HPSE2: variants seen among roughly 807,000 people sequenced by gnomAD.
HPSE2 encodes the protein inactive heparanase-2.
HPSE2 carries 38 observed loss-of-function variants against 60.5 expected under a neutral mutation model. The observed-to-expected ratio is 0.63, with a 90% CI of 0.48 to 0.82. HPSE2 has a LOEUF of 0.82. HPSE2 is among the 40% of genes least tolerant of loss of function. HPSE2 has a pLI of 0.00. For synonymous variants in HPSE2, 295 were observed against 293.2 expected, an observed-to-expected ratio of 1.01 and a Z score of -0.06; for missense variants, 713 against 740.4, an observed-to-expected ratio of 0.96 and a Z score of 0.43.
chr10:98,934,164 G>A (rs1319439163), intron 3 of HPSE2, among the ~76,000 whole-genome samples: 1 of 144,102 alleles, frequency 6.9e-6, no homozygotes, highest in Non-Finnish European at 1.5e-5. Context: ...GAGTCTATGT[G>A]CGTCTTTGCA....
intron 3 of HPSE2, among the ~76,000 whole-genome samples, chr10:99,043,546 C>G (rs1957790394): frequency 6.6e-6 from 1 of 152,018 alleles, no homozygotes; most frequent in Non-Finnish European, 1.5e-5. Flanking sequence ...AAATGACAAA[C>G]ATATAATTCA....
chr10:98,951,210 A>T (rs1276485632), intron 3 of HPSE2, among the ~76,000 whole-genome samples: 1 of 152,180 alleles, frequency 6.6e-6, no homozygotes, highest in African/African-American at 2.4e-5. Context: ...GGATGACAAC[A>T]GTAAGACTAA....
intron 3 of HPSE2, among the ~76,000 whole-genome samples, chr10:98,915,665 C>T (rs988356783): frequency 2.0e-5 from 3 of 152,166 alleles, no homozygotes; most frequent in Non-Finnish European, 4.4e-5. Context: ...CTTTTCTGTG[C>T]TTGCTTTTCC....
At chr10:99,168,309 C>T (rs1438131913) in intron 2 of HPSE2, among the ~76,000 whole-genome samples, 4 of 152,080 alleles carry the variant, frequency 2.6e-5, no homozygotes, top group African/African-American at 9.7e-5. Context: ...TTCATAGGTA[C>T]TTTGAGTTCT....
intron 3 of HPSE2, among the ~76,000 whole-genome samples, chr10:98,916,296 G>A (rs1179766815): frequency 6.6e-6 from 1 of 152,214 alleles, no homozygotes; most frequent in East Asian, 1.9e-4. Flanking sequence ...TATCTGCACA[G>A]GGCATGAAAT....
intron 5 of HPSE2, among the ~76,000 whole-genome samples, chr10:98,696,436 C>G (rs1289488284): frequency 6.6e-6 from 1 of 151,388 alleles, no homozygotes; most frequent in South Asian, 2.1e-4. Flanking sequence ...GGTGCTGCAG[C>G]CCACCTGAGA....
intron 6 of HPSE2, among the ~76,000 whole-genome samples, chr10:98,646,490 G>A (rs948354080): frequency 6.6e-6 from 1 of 152,090 alleles, no homozygotes; most frequent in Non-Finnish European, 1.5e-5. Flanking sequence ...AAGAAAGGCT[G>A]TGTAGAAATA....
intron 9 of HPSE2, among the ~76,000 whole-genome samples, chr10:98,543,085 C>T (rs1412314936): frequency 8.5e-5 from 13 of 152,084 alleles, no homozygotes; most frequent in East Asian, 1.9e-4. Flanking sequence ...AGAGAAAGGT[C>T]GGGTTACCCT....
At chr10:99,169,172 G>A (rs1424631487) in intron 2 of HPSE2, among the ~76,000 whole-genome samples, 6 of 135,074 alleles carry the variant, frequency 4.4e-5, no homozygotes, top group African/African-American at 1.1e-4. Flanking sequence ...CAGCCTAGGC[G>A]ACAGAGCAAG....
In HPSE2 at chr10:98,940,139, C is replaced by T. The variant is rs1416583855; in HGVS notation, c.611-196083G>A. On this transcript the variant is annotated intron_variant, in intron 3 of 11. Transcript: ENST00000370552. ...CCCACAAGAGAAAGCAGGAAAGATC[C>T]AAAATTGACACCCTAACATCACAAT... 5.6e-5 allele frequency among the ~76,000 whole-genome samples: 8 copies of T among 142,844 alleles called. 2 individuals carry two copies. The highest frequency in any genetic ancestry group is 2.3e-4 in the African/African-American group (8 of 34,972). 93.7% of individuals were successfully genotyped at this position (142,844 alleles called of 152,430 possible).
chr10:98,777,212 G>C (rs1268203794), intron 3 of HPSE2, among the ~76,000 whole-genome samples: 1 of 152,092 alleles, frequency 6.6e-6, no homozygotes, highest in Non-Finnish European at 1.5e-5. Context: ...AATTACCAAA[G>C]CCATTTACTC....
chr10:98,468,113 G>C (rs998744300), intron 11 of HPSE2, among the ~76,000 whole-genome samples: 1 of 152,260 alleles, frequency 6.6e-6, no homozygotes, highest in Non-Finnish European at 1.5e-5. Flanking sequence ...CCCTTCTCCA[G>C]GTCAGGGGCA....
chr10:99,184,819 T>TATATATATATATATATATAC (rs1554912295), intron 2 of HPSE2, among the ~76,000 whole-genome samples: 6 of 19,858 alleles, frequency 3.0e-4, no homozygotes, highest in African/African-American at 1.0e-3. Flanking sequence ...TATATATATA[T>TATATATATATATATATATAC]AGAGAGAGAG....
chr10:98,521,640 AC>A (rs1337119656), intron 9 of HPSE2, among the ~76,000 whole-genome samples: 4 of 152,168 alleles, frequency 2.6e-5, no homozygotes, highest in Non-Finnish European at 5.9e-5. Context: ...CTGGGTATAT[AC>A]CCAAAGGATT....
chr10:98,686,021 G>C (rs919094191), intron 6 of HPSE2, among the ~76,000 whole-genome samples: 8 of 152,020 alleles, frequency 5.3e-5, no homozygotes, highest in Non-Finnish European at 7.4e-5. Flanking sequence ...CTTGATACTT[G>C]CAATTTTGTA....
At chr10:98,831,796 T>C (rs1951689026) in intron 3 of HPSE2, among the ~76,000 whole-genome samples, 1 of 152,326 alleles carries the variant, frequency 6.6e-6, no homozygotes, top group South Asian at 2.1e-4. Flanking sequence ...ATGCAGGTGA[T>C]AGAAAACCAC....
At chr10:98,771,392 G>A (rs563716290) in intron 3 of HPSE2, among the ~76,000 whole-genome samples, 1 of 152,224 alleles carries the variant, frequency 6.6e-6, no homozygotes. Flanking sequence ...AACCCTCAGA[G>A]TTTAGTGACC....
At chr10:99,182,807 C>T (rs556879830) in intron 2 of HPSE2, among the ~76,000 whole-genome samples, 1 of 151,944 alleles carries the variant, frequency 6.6e-6, no homozygotes, top group Non-Finnish European at 1.5e-5. Context: ...CCATCCTGGC[C>T]AACATGGTGA....
chr10:99,236,361 C>T (rs1054135256), upstream of HPSE2, among the ~76,000 whole-genome samples: 30 of 152,050 alleles, frequency 2.0e-4, no homozygotes, highest in African/African-American at 7.2e-4. Flanking sequence ...CCGACTCCGA[C>T]CCGAAAGCCC....
Sources: gnomAD v4.1 joint callset for allele counts (sites outside exome capture counted in the v4.1 genomes callset) on GRCh38, gnomAD v4.1.1 for gene constraint, MANE v1.5 for transcripts, NCBI Gene and HGNC (gene_info 2026-07-23, HGNC 2026-07-21) for gene names.